ASPRV1: variants seen among roughly 807,000 people sequenced by gnomAD.
ASPRV1 encodes the protein retroviral-like aspartic protease 1.
ASPRV1 carries 7 observed loss-of-function variants against 11.0 expected under a neutral mutation model. That is an observed-to-expected ratio of 0.64 (90% CI 0.36 to 1.20). The LOEUF (loss-of-function observed/expected upper bound fraction) is 1.20, where lower values mean the gene tolerates loss of function less well. Ranked by LOEUF, ASPRV1 falls within the 50% of genes most tolerant of loss-of-function variation. ASPRV1 has a pLI of 0.02. For synonymous variants in ASPRV1, 136 were observed against 138.4 expected, an observed-to-expected ratio of 0.98 and a Z score of 0.12; for missense variants, 299 against 320.0, an observed-to-expected ratio of 0.93 and a Z score of 0.50.
chr2:70,009,341 T>TATTC, the ASPRV1 span, among the ~76,000 whole-genome samples: 1 of 152,006 alleles, frequency 6.6e-6, no homozygotes, highest in South Asian at 2.1e-4. Context: ...TTTATTTATT[T>TATTC]ATTTTAGAGA....
chr2:69,983,479 G>A, the ASPRV1 span, among the ~76,000 whole-genome samples: 2 of 152,336 alleles, frequency 1.3e-5, no homozygotes, highest in South Asian at 4.1e-4. Flanking sequence ...GGGACCAGAA[G>A]GCAGGAGGCC....
the ASPRV1 span, among the ~76,000 whole-genome samples, chr2:70,035,943 TTCA>T: frequency 1.3e-5 from 2 of 151,866 alleles, no homozygotes; most frequent in Non-Finnish European, 2.9e-5. Flanking sequence ...CTGTATTACT[TTCA>T]TGCTTTTACT....
chr2:69,978,674 G>A, the ASPRV1 span, among the ~76,000 whole-genome samples: 1 of 152,218 alleles, frequency 6.6e-6, no homozygotes, highest in Non-Finnish European at 1.5e-5. Flanking sequence ...ACGGGTGAGG[G>A]TGTCCTGGTG....
chr2:70,079,390 T>C, the ASPRV1 span, among the ~76,000 whole-genome samples: 1 of 152,142 alleles, frequency 6.6e-6, no homozygotes, highest in Non-Finnish European at 1.5e-5. Flanking sequence ...GGAGGATTTC[T>C]TGAGACCAGG....
the ASPRV1 span, chr2:70,087,163 A>T: frequency 6.6e-6 from 1 of 152,122 alleles, no homozygotes; most frequent in Admixed American, 6.5e-5. Context: ...CGAGCCCCTC[A>T]TGTAGGGCAG....
chr2:69,988,689 T>C, the ASPRV1 span: 4 of 444,202 alleles, frequency 9.0e-6, no homozygotes, highest in Non-Finnish European at 1.8e-5. Context: ...TTTTATGTTA[T>C]ATATATTTTA....
the ASPRV1 span, among the ~76,000 whole-genome samples, chr2:69,979,173 T>C: frequency 6.6e-6 from 1 of 152,178 alleles, no homozygotes; most frequent in African/African-American, 2.4e-5. Context: ...TAGCTGGGAC[T>C]ACAGGTGCAT....
At chr2:69,951,545 C>T in the ASPRV1 span, among the ~76,000 whole-genome samples, 2 of 145,354 alleles carry the variant, frequency 1.4e-5, no homozygotes, top group East Asian at 2.0e-4. Context: ...CATATATATA[C>T]ACATACATAT....
At chr2:69,947,216 C>G in the ASPRV1 span, among the ~76,000 whole-genome samples, 1 of 152,310 alleles carries the variant, frequency 6.6e-6, no homozygotes, top group East Asian at 1.9e-4. Context: ...GGGCATGGAA[C>G]AGTGTGTGGC....
the ASPRV1 span, among the ~76,000 whole-genome samples, chr2:70,040,510 C>CCT: frequency 1.4e-4 from 22 of 152,156 alleles, no homozygotes; most frequent in Admixed American, 9.8e-4. Flanking sequence ...AAGCTGTTAA[C>CCT]AAGTTTTCCA....
the ASPRV1 span, among the ~76,000 whole-genome samples, chr2:70,019,743 G>A: frequency 1.3e-5 from 2 of 152,264 alleles, no homozygotes; most frequent in Admixed American, 1.3e-4. Flanking sequence ...GTAAAATGGT[G>A]GTTACCAGAG....
At chr2:69,939,679 C>T in the ASPRV1 span, 4 of 152,606 alleles carry the variant, frequency 2.6e-5, no homozygotes, top group Admixed American at 2.6e-4. Context: ...TGTTTTCAGC[C>T]TCTGGCGAAT....
chr2:70,086,104 G>A, the ASPRV1 span: 3 of 152,190 alleles, frequency 2.0e-5, no homozygotes, highest in Admixed American at 6.5e-5. Context: ...AGGAAAACGC[G>A]TTAAAATTAG....
At chr2:69,995,423 A>T in the ASPRV1 span, 2 of 151,822 alleles carry the variant, frequency 1.3e-5, no homozygotes, top group African/African-American at 2.4e-5. Flanking sequence ...CTTCAGTGCT[A>T]TGTATCCATA....
chr2:70,002,153 C>A, the ASPRV1 span, among the ~76,000 whole-genome samples: 1 of 152,306 alleles, frequency 6.6e-6, no homozygotes, highest in South Asian at 2.1e-4. Context: ...CTGGCAGAGA[C>A]CCCGCAGGTA....
At chr2:69,958,907 C>T (rs1014302278), downstream of ASPRV1, among the ~76,000 whole-genome samples, 2 of 152,220 alleles carry the variant, frequency 1.3e-5, no homozygotes, top group Admixed American at 6.5e-5. Flanking sequence ...TGATCCCACA[C>T]CTGTCCTTCC....
the ASPRV1 span, chr2:70,073,157 T>C: frequency 6.6e-6 from 1 of 152,164 alleles, no homozygotes; most frequent in Non-Finnish European, 1.5e-5. Context: ...AATGGAGGTA[T>C]TCAAAGAGAA....
chr2:69,975,580 A>G, the ASPRV1 span: 1 of 152,290 alleles, frequency 6.6e-6, no homozygotes, highest in Non-Finnish European at 1.5e-5. Flanking sequence ...GGCGAAGTCC[A>G]TGGGTTTCTC....
chr2:70,062,778 G>A, the ASPRV1 span, among the ~76,000 whole-genome samples: 1 of 152,140 alleles, frequency 6.6e-6, no homozygotes, highest in African/African-American at 2.4e-5. Context: ...TCCAGCTTGG[G>A]CAACATAGCG....
Sources: gnomAD v4.1 joint callset for allele counts (sites outside exome capture counted in the v4.1 genomes callset) on GRCh38, gnomAD v4.1.1 for gene constraint, MANE v1.5 for transcripts, NCBI Gene and HGNC (gene_info 2026-07-23, HGNC 2026-07-21) for gene names.